The following CLCC1 variants were observed in gnomAD, a reference collection of about 807,000 sequenced individuals.
CLCC1 encodes chloride channel CLIC like 1.
CLCC1 carries 39 observed loss-of-function variants against 63.3 expected under a neutral mutation model. That is an observed-to-expected ratio of 0.62 (90% confidence interval 0.48 to 0.81). The LOEUF is 0.81. CLCC1 is among the 30% of genes least tolerant of loss of function. The probability of loss-of-function intolerance (pLI) is 0.00; values close to 1 mark genes in which losing one functional copy is unlikely to be tolerated. For synonymous variants in CLCC1, 217 were observed against 239.8 expected (o/e 0.90, Z 0.88); for missense variants, 549 against 669.4 (o/e 0.82, Z 1.98).
chr1:108,930,432 G>GT lies in CLCC1; in HGVS notation c.*2114dup, dbSNP rs544338501. 79 of 153,700 alleles carry GT rather than the reference G, an allele frequency of 5.1e-4. No homozygotes were observed. Among genetic ancestry groups the GT allele is most frequent in the Non-Finnish European group, 7.5e-4 (52 of 69,218 alleles). 9.5% of individuals were successfully genotyped at this position (153,700 alleles called of 1,614,324 possible). The stretch of plus-strand genomic sequence containing the variant: ...GTTTTTTTTTCCTCCATGAAAATCT[G>GT]TTTTTTTAGGCCAAAGTCAGTATAA... On this transcript the variant is annotated 3_prime_UTR_variant, in exon 13 of 13. Transcript: ENST00000369969.
chr1:108,961,830 G>A (rs1267726969), intron 2 of CLCC1, among the ~76,000 whole-genome samples: 1 of 151,848 alleles, frequency 6.6e-6, no homozygotes, highest in Non-Finnish European at 1.5e-5. Context: ...TTGCACTCCA[G>A]CCTGGGCAAC....
chr1:108,943,663 A>T, intron 6 of CLCC1, 48 bp from the exon 7 acceptor site: 1 of 1,604,136 alleles, frequency 6.2e-7, no homozygotes, highest in Non-Finnish European at 8.5e-7. Flanking sequence ...CACTTAAGAC[A>T]GCTAAAAAGA....
chr1:108,941,524 G>A lies in CLCC1; in HGVS notation c.703-26C>T, dbSNP rs370900321. On this transcript the variant is annotated intron_variant, in intron 7 of 12. Transcript: ENST00000369969. The stretch of plus-strand genomic sequence containing the variant: ...CTGCCCAACACCAAAAGGGAACCAG[G>A]AGAGGCCGTTACCTATGAAGGTTAG... 203 of 1,602,128 alleles carry A rather than the reference G, an allele frequency of 1.3e-4. 1 individual carries two copies. In the Middle Eastern group the frequency reaches 3.8e-3, roughly 30 times the overall value.
At chr1:108,941,714 C>T (rs1314989833) in intron 7 of CLCC1, among the ~76,000 whole-genome samples, 3 of 152,130 alleles carry the variant, frequency 2.0e-5, no homozygotes, top group African/African-American at 7.2e-5. Flanking sequence ...TGTGCGGTGG[C>T]ACAATCTCGG....
chr1:108,957,656 G>A (rs1003587697), intron 2 of CLCC1, among the ~76,000 whole-genome samples: 2 of 151,526 alleles, frequency 1.3e-5, no homozygotes, highest in African/African-American at 4.9e-5. Flanking sequence ...CGATTTCTAT[G>A]TTTGTGGCCA....
At position 108,934,615 on chromosome 1, in the gene CLCC1, T is replaced by C; in HGVS notation, c.*45+10A>G. ...CAGAGAAGAGAAAGAGAGTGAAGAGTATACTTTACAAAGCTCGAAGGAGAC... is the reference window on the plus strand; with the variant it reads ...CAGAGAAGAGAAAGAGAGTGAAGAGCATACTTTACAAAGCTCGAAGGAGAC... On this transcript the variant is annotated intron_variant, in intron 12 of 12. Transcript: ENST00000369969. The C allele has an allele frequency of 6.4e-7, 1 of 1,565,972 alleles. No individual in the cohort carries two copies. The highest frequency in any genetic ancestry group is 8.7e-7 in the Non-Finnish European group (1 of 1,154,506).
intron 1 of CLCC1, among the ~76,000 whole-genome samples, chr1:108,963,149 G>T (rs907612929): frequency 6.6e-5 from 10 of 152,208 alleles, no homozygotes; most frequent in Non-Finnish European, 1.5e-4. Flanking sequence ...GCGCAACCGC[G>T]GCGGACAGGC....
chr1:108,934,763 G>A lies in CLCC1; in HGVS notation c.1563C>T (p.Ala521=), dbSNP rs775931647. Residue 521 remains alanine (A), a synonymous_variant, in exon 12 of 13, where the codon GCC becomes GCT. Transcript: ENST00000369969. ...TGCTGCCTTGGTCTGGGCTGCCTGC[G>A]GCTTCAGACTTGAGCTGGGCCTTTT... ...AAEKAQLKSE[A]AGSPDQGSTY... 40 of 1,614,050 alleles carry A rather than the reference G, an allele frequency of 2.5e-5. No individual in the cohort carries two copies. In the East Asian group the frequency reaches 3.1e-4, roughly 13 times the overall value.
Position 108,939,218 on chromosome 1 carries a change from A to G in CLCC1, c.1041+418T>C, listed in dbSNP as rs978271853. ...ATAAATATAAATATATAATATATAA[A>G]TATATATTATATATAATAAATATAT... is the stretch of plus-strand genomic sequence containing the variant. On this transcript the variant is annotated intron_variant, in intron 10 of 12. Transcript: ENST00000369969. Among the ~76,000 whole-genome samples, 301 of 145,856 alleles carry G rather than the reference A, an allele frequency of 2.1e-3. 1 individual carries two copies. Among genetic ancestry groups the G allele is most frequent in the Non-Finnish European group, 3.0e-3 (198 of 66,732 alleles).
chr1:108,937,837 A>C (rs1653244297), intron 10 of CLCC1, among the ~76,000 whole-genome samples: 1 of 152,248 alleles, frequency 6.6e-6, no homozygotes, highest in East Asian at 1.9e-4. Flanking sequence ...TACAAATATA[A>C]ACTAGGCTTA....
intron 11 of CLCC1, among the ~76,000 whole-genome samples, chr1:108,936,495 G>A (rs992754905): frequency 2.0e-5 from 3 of 152,142 alleles, no homozygotes; most frequent in Admixed American, 1.3e-4. Context: ...CTGTTTCAAA[G>A]GTTTAACAGC....
intron 5 of CLCC1, 61 bp from the exon 6 acceptor site, chr1:108,944,118 C>T: frequency 6.3e-6 from 8 of 1,266,028 alleles, no homozygotes; most frequent in Non-Finnish European, 8.7e-6. Context: ...ACTTGGTGAA[C>T]CATTTTAAGA....
At chr1:108,952,475 CT>C (rs1458445034) in intron 2 of CLCC1, among the ~76,000 whole-genome samples, 1 of 151,166 alleles carries the variant, frequency 6.6e-6, no homozygotes, top group Non-Finnish European at 1.5e-5. Context: ...TTGGCCCCCC[CT>C]GTTTTTTTTT....
intron 5 of CLCC1, 87 bp downstream of exon 5, chr1:108,947,524 A>G (rs1571049851): frequency 1.2e-6 from 1 of 800,008 alleles, no homozygotes; most frequent in South Asian, 2.1e-5. Context: ...AAAAAGCATC[A>G]TGATGCTTTC....
At position 108,937,351 on chromosome 1, in the gene CLCC1, G is replaced by A; in HGVS notation, c.1109C>T (p.Pro370Leu). 1 of 1,614,154 alleles carries A rather than the reference G, an allele frequency of 6.2e-7. No individual in the cohort carries two copies. The highest frequency in any genetic ancestry group is 1.7e-4 in the Middle Eastern group (1 of 6,058). ...ATCCCGTGGCCGAAGTGCCTGGGGA[G>A]GTTCGCTCTCAGGACCGCCTATATG... Reference protein sequence around the residue: ...LRHIGGPESEPPQALRPRDRR... With the variant: ...LRHIGGPESELPQALRPRDRR... The change falls in exon 11 of 13, where the codon CCT becomes CTT. Residue 370 changes from proline (P) to leucine (L), a missense_variant. By Grantham distance (98) the Pro-to-Leu change is moderately conservative. Transcript: ENST00000369969.
Position 108,937,077 on chromosome 1 carries a change from A to G in CLCC1, c.1383T>C (p.Ser461=). 1.3e-6 allele frequency: 2 copies of G among 1,490,302 alleles called. No homozygotes were observed. The highest frequency in any genetic ancestry group is 1.8e-6 in the Non-Finnish European group (2 of 1,120,050). 92.3% of individuals were successfully genotyped at this position (1,490,302 alleles called of 1,614,324 possible). The stretch of plus-strand genomic sequence containing the variant: ...CAGAATAAAAGAGTTGCTGACTTAC[A>G]CTGGGTACCACCGTGGGATGCTCTC... ...EAREHPTVVP[S]HKSPVLDTKP... The change falls in exon 11 of 13, where the codon AGT becomes AGC. Residue 461 remains serine, a splice_region_variant and synonymous_variant. Coordinates refer to ENST00000369969, the MANE Select transcript of CLCC1 (RefSeq NM_001377458.1).
chr1:108,946,892 G>A (rs535325392), intron 5 of CLCC1, among the ~76,000 whole-genome samples: 22 of 152,148 alleles, frequency 1.4e-4, no homozygotes, highest in East Asian at 1.4e-3. Flanking sequence ...GGCCAGGTGC[G>A]GTGGCTCACA....
chr1:108,941,708 C>T (rs759580031), intron 7 of CLCC1, among the ~76,000 whole-genome samples: 5 of 152,066 alleles, frequency 3.3e-5, no homozygotes, highest in Admixed American at 1.3e-4. Context: ...CGCTGGTGTG[C>T]GGTGGCACAA....
intron 10 of CLCC1, among the ~76,000 whole-genome samples, chr1:108,938,112 A>C (rs338483): frequency 4.6e-5 from 7 of 152,008 alleles, no homozygotes; most frequent in African/African-American, 1.7e-4. Flanking sequence ...CAGTACTCGT[A>C]TGTTTTAAAT....
Sources: allele counts gnomAD v4.1 joint callset (sites outside exome capture counted in the v4.1 genomes callset), GRCh38; gene constraint gnomAD v4.1.1; transcripts MANE v1.5; gene names NCBI Gene and HGNC (gene_info 2026-07-23, HGNC 2026-07-21).